RNF217: variants seen among roughly 807,000 people sequenced by gnomAD.
RNF217 encodes E3 ubiquitin-protein ligase RNF217.
A neutral mutation model predicts 57.8 loss-of-function variants in RNF217; 31 were observed. That is an observed-to-expected ratio of 0.54 (90% confidence interval 0.40 to 0.72). RNF217 has a LOEUF of 0.72. Among genes scored for constraint, RNF217 ranks in the 30% least tolerant of loss-of-function variants. The pLI, the probability that RNF217 is intolerant of heterozygous loss-of-function variation, is 0.00. For missense variants in RNF217, 696 were observed against 708.3 expected (o/e 0.98, Z 0.20); for synonymous variants, 313 against 294.0 (o/e 1.06, Z -0.66).
intron 3 of RNF217, among the ~76,000 whole-genome samples, chr6:125,065,431 C>T (rs1787902162): frequency 6.6e-6 from 1 of 152,048 alleles, no homozygotes; most frequent in South Asian, 2.1e-4. Flanking sequence ...ATGAGAAAAG[C>T]TCAATTCTGT....
intron 1 of RNF217, 90 bp from the exon 2 acceptor site, chr6:125,045,121 A>G (rs768615780): frequency 2.1e-5 from 16 of 764,218 alleles, no homozygotes; most frequent in Non-Finnish European, 3.5e-5. Context: ...TATTGCGGTC[A>G]TGAAATAAGT....
intron 1 of RNF217, among the ~76,000 whole-genome samples, chr6:124,966,438 T>C (rs1452454077): frequency 6.6e-6 from 1 of 152,218 alleles, no homozygotes; most frequent in African/African-American, 2.4e-5. Context: ...GCTTTCTTTC[T>C]CATCTTAAAA....
chr6:125,062,512 C>G (rs1177202563), intron 3 of RNF217, among the ~76,000 whole-genome samples: 2 of 151,986 alleles, frequency 1.3e-5, no homozygotes, highest in African/African-American at 4.8e-5. Flanking sequence ...CATAACCCAC[C>G]ACATTAAGGT....
At chr6:124,989,518 G>T (rs896977650) in intron 1 of RNF217, among the ~76,000 whole-genome samples, 5 of 152,134 alleles carry the variant, frequency 3.3e-5, no homozygotes, top group Non-Finnish European at 7.4e-5. Flanking sequence ...CAATGAGAAT[G>T]TCACCTATGA....
chr6:125,075,274 C>T (rs1788318039), intron 3 of RNF217, among the ~76,000 whole-genome samples: 1 of 152,032 alleles, frequency 6.6e-6, no homozygotes, highest in Non-Finnish European at 1.5e-5. Flanking sequence ...AAGTAGTAGA[C>T]TATTTTTAGG....
In RNF217 at chr6:125,089,223, A is replaced by G. The variant is rs553798014; in HGVS notation, c.*6286A>G. ...ACCAGTTGGATCAGAGGGCCTAATA[A>G]TAGTCTAAAACCAAGCTTCAGAAAT... On this transcript the variant is annotated 3_prime_UTR_variant, in exon 6 of 6. Transcript: ENST00000521654. The G allele has an allele frequency of 6.6e-6, 1 of 152,288 alleles. No individual in the cohort carries two copies. The highest frequency in any genetic ancestry group is 1.5e-5 in the Non-Finnish European group (1 of 68,022). 9.4% of individuals were successfully genotyped at this position (152,288 alleles called of 1,614,324 possible).
chr6:124,995,903 T>A (rs1344602640), intron 1 of RNF217, among the ~76,000 whole-genome samples: 2 of 151,928 alleles, frequency 1.3e-5, no homozygotes, highest in Non-Finnish European at 2.9e-5. Flanking sequence ...GCCTGGGTGA[T>A]GAGCAAGACT....
intron 1 of RNF217, among the ~76,000 whole-genome samples, chr6:125,026,533 T>A (rs10485344): frequency 2.0e-5 from 3 of 152,200 alleles, no homozygotes; most frequent in African/African-American, 7.2e-5. Context: ...TTTAGAGCAT[T>A]GAGAGCGTAA....
chr6:125,069,344 T>C (rs563513965), intron 3 of RNF217, among the ~76,000 whole-genome samples: 1 of 152,180 alleles, frequency 6.6e-6, no homozygotes, highest in African/African-American at 2.4e-5. Context: ...TTTGGAGTTT[T>C]ACACCTGATA....
Position 124,963,202 on chromosome 6 carries a change from G to C in RNF217, c.658G>C (p.Gly220Arg), listed in dbSNP as rs1208950706. The C allele has an allele frequency of 2.6e-6, 4 of 1,536,086 alleles. No individual in the cohort carries two copies. The highest frequency in any genetic ancestry group is 3.5e-6 in the Non-Finnish European group (4 of 1,146,898). Reference protein sequence around the residue: ...SLPTDSLSPDGGSIELEFYLA... With the variant: ...SLPTDSLSPDRGSIELEFYLA... Reference sequence around the variant, plus strand: ...CCCAACGGATTCCCTCTCCCCCGACGGCGGCAGCATCGAGCTGGAGTTCTA... The same window carrying C: ...CCCAACGGATTCCCTCTCCCCCGACCGCGGCAGCATCGAGCTGGAGTTCTA... Residue 220 changes from glycine (G) to arginine (R), a missense_variant, in exon 1 of 6, where the codon GGC becomes CGC. Gly to Arg is a moderately radical substitution (Grantham distance 125). This residue lies in a region of RNF217 where 465 missense variants were observed against 386.8 expected (regional missense o/e 1.20). Transcript: ENST00000521654.
rs768926405 is a variant in RNF217, at chr6:125,065,928, G to A, written c.1281+7822G>A. On this transcript the variant is annotated intron_variant, in intron 3 of 5. Coordinates refer to ENST00000521654, the MANE Select transcript of RNF217 (RefSeq NM_001286398.3). ...ACCGGATCTAATAGACTTCTCCAACGCAGTATGTTCTCTTCTCCCCAAAAT... is the reference window on the plus strand; with the variant it reads ...ACCGGATCTAATAGACTTCTCCAACACAGTATGTTCTCTTCTCCCCAAAAT... 2.0e-5 allele frequency among the ~76,000 whole-genome samples: 3 copies of A among 152,208 alleles called. No individual in the cohort carries two copies. The South Asian group carries it at 6.2e-4, about 32-fold the overall frequency.
At chr6:125,041,912 A>G (rs768982600) in intron 1 of RNF217, among the ~76,000 whole-genome samples, 7 of 152,138 alleles carry the variant, frequency 4.6e-5, no homozygotes, top group Non-Finnish European at 7.4e-5. Context: ...CACCACCAAG[A>G]AAGTAAAAAC....
At chr6:125,034,165 A>G (rs937219213) in intron 1 of RNF217, among the ~76,000 whole-genome samples, 1 of 152,096 alleles carries the variant, frequency 6.6e-6, no homozygotes, top group African/African-American at 2.4e-5. Flanking sequence ...TTCTGATGGT[A>G]GTTTCTTTTG....
intron 4 of RNF217, among the ~76,000 whole-genome samples, chr6:125,080,962 G>T (rs976765451): frequency 6.6e-6 from 1 of 152,106 alleles, no homozygotes; most frequent in Admixed American, 6.6e-5. Context: ...GACCCAGGAT[G>T]TAAATAAACC....
chr6:125,047,766 G>A (rs557011767), intron 2 of RNF217, among the ~76,000 whole-genome samples: 1 of 152,160 alleles, frequency 6.6e-6, no homozygotes, highest in African/African-American at 2.4e-5. Context: ...TTGCTTTGGT[G>A]TGAGGAGGAA....
intron 1 of RNF217, among the ~76,000 whole-genome samples, chr6:125,020,900 A>G (rs1785812020): frequency 6.6e-6 from 1 of 152,154 alleles, no homozygotes; most frequent in African/African-American, 2.4e-5. Flanking sequence ...TTAAAGGCAA[A>G]AGTTTTGGAG....
At position 125,084,900 on chromosome 6, in the gene RNF217, T is replaced by A. The variant is rs1442640436; in HGVS notation, c.*1963T>A. 1 of 151,898 alleles carries A rather than the reference T, an allele frequency of 6.6e-6. No homozygotes were observed. Among genetic ancestry groups the A allele is most frequent in the East Asian group, 1.9e-4 (1 of 5,182 alleles). The allele number at this position is 151,898 out of a possible 1,614,324, so 9.4% of individuals were successfully genotyped here. On this transcript the variant is annotated 3_prime_UTR_variant, in exon 6 of 6. Coordinates refer to ENST00000521654, the MANE Select transcript of RNF217 (RefSeq NM_001286398.3). ...GTATTTAAGACTGAAAGAAGGAGAATTTCTAACCTGTCATAAGAGTAAGGT... is the reference window on the plus strand; with the variant it reads ...GTATTTAAGACTGAAAGAAGGAGAAATTCTAACCTGTCATAAGAGTAAGGT...
intron 1 of RNF217, among the ~76,000 whole-genome samples, chr6:124,977,956 T>C (rs1228095595): frequency 6.6e-6 from 1 of 152,186 alleles, no homozygotes; most frequent in Non-Finnish European, 1.5e-5. Flanking sequence ...TAGTATACAG[T>C]TGGTTTAAGA....
At position 125,089,097 on chromosome 6, in the gene RNF217, T is replaced by C. The variant is rs1470167679; in HGVS notation, c.*6160T>C. 1 of 152,414 alleles carries C rather than the reference T, an allele frequency of 6.6e-6. No individual in the cohort carries two copies. The highest frequency in any genetic ancestry group is 1.5e-5 in the Non-Finnish European group (1 of 68,034). The allele number at this position is 152,414 out of a possible 1,614,324, so 9.4% of individuals were successfully genotyped here. On this transcript the variant is annotated 3_prime_UTR_variant, in exon 6 of 6. Transcript: ENST00000521654. ...TACCTTGGCTTATTTTATTTGTAAA[T>C]GGAAATGTATCAGGAGTGCCTGGAA...
Sources: allele counts gnomAD v4.1 joint callset (sites outside exome capture counted in the v4.1 genomes callset), GRCh38; gene constraint gnomAD v4.1.1; regional missense constraint gnomAD v4.1.1; transcripts MANE v1.5; gene names NCBI Gene and HGNC (gene_info 2026-07-23, HGNC 2026-07-21).